The following RNF13 variants were observed in gnomAD, a reference collection of about 807,000 sequenced individuals.
The protein encoded by RNF13 is ring finger protein 13.
RNF13 carries 19 observed loss-of-function variants against 37.7 expected under a neutral mutation model. The ratio of observed to expected loss-of-function variants is 0.50; its 90% CI spans 0.35 to 0.74. The LOEUF is 0.74. Ranked by LOEUF, RNF13 falls within the 30% of genes least tolerant of loss-of-function variation. The pLI is 0.01. For missense variants in RNF13, 375 were observed against 453.0 expected, an observed-to-expected ratio of 0.83 and a Z score of 1.56; for synonymous variants, 144 against 157.8, an observed-to-expected ratio of 0.91 and a Z score of 0.65.
At chr3:149,947,717 T>C (rs895030672) in intron 8 of RNF13, among the ~76,000 whole-genome samples, 1 of 151,990 alleles carries the variant, frequency 6.6e-6, no homozygotes, top group Non-Finnish European at 1.5e-5. Context: ...TTCAGTTCTG[T>C]CAATGTTGCT....
chr3:149,842,063 T>C (rs1722235760), intron 1 of RNF13, among the ~76,000 whole-genome samples: 1 of 151,676 alleles, frequency 6.6e-6, no homozygotes, highest in South Asian at 2.1e-4. Flanking sequence ...GTGAAATCAG[T>C]CTCTCTCTCT....
intron 8 of RNF13, among the ~76,000 whole-genome samples, chr3:149,937,961 T>C (rs913670627): frequency 3.3e-5 from 5 of 152,180 alleles, no homozygotes; most frequent in African/African-American, 1.2e-4. Flanking sequence ...GGTGCTGCTG[T>C]TGAGTTCAAC....
At chr3:149,929,262 C>T (rs1446014741) in intron 8 of RNF13, among the ~76,000 whole-genome samples, 1 of 152,168 alleles carries the variant, frequency 6.6e-6, no homozygotes, top group Non-Finnish European at 1.5e-5. Flanking sequence ...CTTCATAGGG[C>T]ATCAGGACAG....
chr3:149,895,950 A>G (rs1318297136), intron 5 of RNF13, among the ~76,000 whole-genome samples: 1 of 152,192 alleles, frequency 6.6e-6, no homozygotes. Flanking sequence ...TTCCAAAGCC[A>G]CATACTTGTG....
At chr3:149,887,101 C>T (rs1258667114) in intron 4 of RNF13, among the ~76,000 whole-genome samples, 1 of 152,124 alleles carries the variant, frequency 6.6e-6, no homozygotes, top group African/African-American at 2.4e-5. Flanking sequence ...ATCGCTGACA[C>T]CACCCTTCTT....
At chr3:149,850,416 A>C (rs1361959031) in intron 2 of RNF13, among the ~76,000 whole-genome samples, 1 of 152,232 alleles carries the variant, frequency 6.6e-6, no homozygotes, top group African/African-American at 2.4e-5. Context: ...AAACAATATG[A>C]TTTTAAGAGA....
At chr3:149,959,798 T>G (rs539212924) in intron 8 of RNF13, among the ~76,000 whole-genome samples, 2 of 152,274 alleles carry the variant, frequency 1.3e-5, no homozygotes, top group African/African-American at 4.8e-5. Context: ...AGAACACTGA[T>G]GTAATTATGA....
chr3:149,908,710 G>C (rs1716676845), intron 6 of RNF13, among the ~76,000 whole-genome samples: 1 of 152,202 alleles, frequency 6.6e-6, no homozygotes, highest in Non-Finnish European at 1.5e-5. Context: ...CTGATCTATA[G>C]GACAGAAGGC....
At chr3:149,902,650 C>T (rs912724174) in intron 6 of RNF13, among the ~76,000 whole-genome samples, 4 of 151,990 alleles carry the variant, frequency 2.6e-5, no homozygotes, top group Non-Finnish European at 5.9e-5. Flanking sequence ...TCCCCTACCC[C>T]CACAAAATAA....
At chr3:149,826,433 T>C (rs895344886) in intron 1 of RNF13, among the ~76,000 whole-genome samples, 2 of 152,226 alleles carry the variant, frequency 1.3e-5, no homozygotes, top group Non-Finnish European at 2.9e-5. Context: ...TTTTTGATCA[T>C]ATATTTTACT....
intron 6 of RNF13, among the ~76,000 whole-genome samples, chr3:149,904,187 A>G: frequency 6.6e-6 from 1 of 152,118 alleles, no homozygotes; most frequent in Non-Finnish European, 1.5e-5. Flanking sequence ...TACTTTATTG[A>G]CCTTAAATGG....
At chr3:149,943,684 C>T (rs760198449) in intron 8 of RNF13, among the ~76,000 whole-genome samples, 1 of 152,154 alleles carries the variant, frequency 6.6e-6, no homozygotes, top group Non-Finnish European at 1.5e-5. Context: ...CTGTTTATCT[C>T]TCCCTTCCCC....
chr3:149,903,239 A>C (rs1336882315), intron 6 of RNF13, among the ~76,000 whole-genome samples: 1 of 152,056 alleles, frequency 6.6e-6, no homozygotes, highest in Admixed American at 6.6e-5. Context: ...GTGTTTTGTC[A>C]GCCGTGTTTG....
intron 8 of RNF13, among the ~76,000 whole-genome samples, chr3:149,951,572 T>C (rs1190420583): frequency 1.3e-5 from 2 of 152,216 alleles, no homozygotes; most frequent in South Asian, 2.1e-4. Flanking sequence ...AGGAGAACCA[T>C]GCTTCAGTCC....
intron 1 of RNF13, among the ~76,000 whole-genome samples, chr3:149,833,269 G>C (rs183119166): frequency 6.6e-6 from 1 of 152,088 alleles, no homozygotes; most frequent in Admixed American, 6.5e-5. Context: ...ACAGGTGCCT[G>C]TCACCACACC....
intron 8 of RNF13, among the ~76,000 whole-genome samples, chr3:149,944,275 C>T (rs1720557070): frequency 6.6e-6 from 1 of 152,210 alleles, no homozygotes; most frequent in South Asian, 2.1e-4. Context: ...CCTCAATAAA[C>T]ATACATGTAC....
chr3:149,836,392 A>G (rs1480945773), intron 1 of RNF13, among the ~76,000 whole-genome samples: 2 of 152,188 alleles, frequency 1.3e-5, no homozygotes, highest in Non-Finnish European at 2.9e-5. Flanking sequence ...TCAAGACCAC[A>G]ATGAGATACC....
chr3:149,846,181 TAAAG>T lies in RNF13; in HGVS notation c.114+45_114+48del, dbSNP rs137943545. 3,996 of 1,303,156 alleles carry T rather than the reference TAAAG, an allele frequency of 3.1e-3. 165 individuals carry two copies. In the East Asian group the frequency reaches 0.084, roughly 27 times the overall value. The allele number at this position is 1,303,156 out of a possible 1,614,324, so 80.7% of individuals were successfully genotyped here. ...TTTATTCATGTCTAGAAACATCCCT[TAAAG>T]AAAAGCTTAAAAAAAGCCTGGAATG... is the stretch of plus-strand genomic sequence containing the variant. On this transcript the variant is annotated intron_variant, in intron 2 of 9. Transcript: ENST00000392894.
At chr3:149,850,170 G>A (rs947172801) in intron 2 of RNF13, among the ~76,000 whole-genome samples, 1 of 151,960 alleles carries the variant, frequency 6.6e-6, no homozygotes, top group African/African-American at 2.4e-5. Flanking sequence ...AGTAGAGATG[G>A]GGTTTCAACA....
Sources: allele counts gnomAD v4.1 joint callset (sites outside exome capture counted in the v4.1 genomes callset), GRCh38; gene constraint gnomAD v4.1.1; transcripts MANE v1.5; gene names NCBI Gene and HGNC (gene_info 2026-07-23, HGNC 2026-07-21).